EXOC4: variants seen among roughly 807,000 people sequenced by gnomAD.
EXOC4 encodes SEC8-like 1.
EXOC4 carries 71 observed loss-of-function variants against 107.2 expected under a neutral mutation model. The observed-to-expected ratio is 0.66, with a 90% CI of 0.55 to 0.81. The LOEUF (loss-of-function observed/expected upper bound fraction) is 0.81, where lower values mean the gene tolerates loss of function less well. Among genes scored for constraint, EXOC4 ranks in the 30% least tolerant of loss-of-function variants. The pLI is 0.00. For missense variants in EXOC4, 1,108 were observed against 1,189.6 expected, an observed-to-expected ratio of 0.93 and a Z score of 1.01; for synonymous variants, 456 against 441.2, an observed-to-expected ratio of 1.03 and a Z score of -0.42.
the EXOC4 span, among the ~76,000 whole-genome samples, chr7:134,099,522 C>CT: frequency 0.011 from 1,137 of 103,872 alleles, 137 homozygotes; most frequent in African/African-American, 0.014. Context: ...CATCACACTT[C>CT]TTTTTTTTTT....
intron 9 of EXOC4, among the ~76,000 whole-genome samples, chr7:133,556,121 C>T (rs1308999645): frequency 6.6e-6 from 1 of 152,188 alleles, no homozygotes; most frequent in East Asian, 1.9e-4. Flanking sequence ...TCTCCAGAGC[C>T]TTCAGACGTC....
intron 1 of EXOC4, among the ~76,000 whole-genome samples, chr7:133,256,107 G>T (rs1289966661): frequency 6.6e-6 from 1 of 151,382 alleles, no homozygotes; most frequent in Admixed American, 6.6e-5. Flanking sequence ...TCAACCTCCC[G>T]AGTAGCTGGG....
chr7:133,834,849 C>A (rs1797884899), intron 11 of EXOC4, among the ~76,000 whole-genome samples: 1 of 152,186 alleles, frequency 6.6e-6, no homozygotes, highest in African/African-American at 2.4e-5. Context: ...TCCCACAATT[C>A]CCACCTGTTG....
chr7:133,928,337 C>T (rs1432891455), intron 13 of EXOC4, among the ~76,000 whole-genome samples: 2 of 152,102 alleles, frequency 1.3e-5, no homozygotes, highest in East Asian at 1.9e-4. Context: ...CAAGGGCAAG[C>T]GGTGAGACGC....
intron 10 of EXOC4, among the ~76,000 whole-genome samples, chr7:133,746,184 T>C (rs992006617): frequency 1.3e-5 from 2 of 152,124 alleles, no homozygotes; most frequent in South Asian, 2.1e-4. Context: ...ATTTTAACTT[T>C]TTGATGTTTT....
At chr7:133,834,399 A>C (rs1199156183) in intron 11 of EXOC4, among the ~76,000 whole-genome samples, 2 of 152,162 alleles carry the variant, frequency 1.3e-5, no homozygotes, top group East Asian at 3.9e-4. Flanking sequence ...TGTTTAGCCA[A>C]CCGGGATTAG....
intron 9 of EXOC4, among the ~76,000 whole-genome samples, chr7:133,531,180 G>C (rs1381065573): frequency 6.6e-6 from 1 of 152,028 alleles, no homozygotes; most frequent in East Asian, 1.9e-4. Context: ...GTACCCATTA[G>C]TATTCATTTC....
At chr7:133,912,094 G>A (rs1177539153) in intron 12 of EXOC4, among the ~76,000 whole-genome samples, 2 of 152,162 alleles carry the variant, frequency 1.3e-5, no homozygotes, top group African/African-American at 4.8e-5. Context: ...TAGCTTACAG[G>A]ACATACAAAG....
intron 2 of EXOC4, among the ~76,000 whole-genome samples, chr7:133,285,185 A>C (rs962347538): frequency 2.0e-5 from 3 of 152,176 alleles, no homozygotes; most frequent in Non-Finnish European, 4.4e-5. Context: ...TAATATGTAC[A>C]TCTAAGCCAT....
intron 3 of EXOC4, among the ~76,000 whole-genome samples, chr7:133,296,768 G>T (rs1563007084): frequency 6.6e-6 from 1 of 151,666 alleles, no homozygotes; most frequent in Non-Finnish European, 1.5e-5. Context: ...CTGTTTTATT[G>T]CACTAAAGCC....
chr7:133,331,650 A>G (rs543110205), intron 5 of EXOC4, among the ~76,000 whole-genome samples: 77 of 152,028 alleles, frequency 5.1e-4, no homozygotes, highest in Non-Finnish European at 7.5e-4. Flanking sequence ...TATTTTTAGT[A>G]GAGACGGGGT....
intron 5 of EXOC4, among the ~76,000 whole-genome samples, chr7:133,327,028 C>T (rs62470950): frequency 0.08 from 12,102 of 152,188 alleles, 640 homozygotes; most frequent in Middle Eastern, 0.15. Flanking sequence ...TATAATCTCC[C>T]GGTGTGCCAT....
At chr7:134,008,317 G>C (rs1794690699) in intron 17 of EXOC4, among the ~76,000 whole-genome samples, 1 of 151,742 alleles carries the variant, frequency 6.6e-6, no homozygotes, top group Admixed American at 6.6e-5. Context: ...ATTTAATTTT[G>C]TTTTCCCCTA....
chr7:133,540,960 CA>C (rs1288805297), intron 9 of EXOC4, among the ~76,000 whole-genome samples: 4 of 151,862 alleles, frequency 2.6e-5, no homozygotes, highest in Admixed American at 1.3e-4. Context: ...ACGTTATTAA[CA>C]ATTTTGTTTT....
At chr7:133,956,018 G>A (rs1038038263) in intron 14 of EXOC4, among the ~76,000 whole-genome samples, 3 of 152,196 alleles carry the variant, frequency 2.0e-5, no homozygotes, top group Admixed American at 6.5e-5. Context: ...GGCAGCAGCT[G>A]CACCTGGGAG....
intron 10 of EXOC4, among the ~76,000 whole-genome samples, chr7:133,773,105 C>T (rs1478256227): frequency 6.6e-6 from 1 of 151,990 alleles, no homozygotes; most frequent in East Asian, 1.9e-4. Flanking sequence ...ATGCCTGGAG[C>T]TTGTAAGTGC....
chr7:133,914,472 G>A (rs2116621348), intron 12 of EXOC4, among the ~76,000 whole-genome samples: 1 of 152,212 alleles, frequency 6.6e-6, no homozygotes, highest in East Asian at 1.9e-4. Flanking sequence ...TTCATGAATG[G>A]AACCAAGAAA....
At chr7:133,591,007 G>A (rs1341367984) in intron 9 of EXOC4, among the ~76,000 whole-genome samples, 9 of 152,186 alleles carry the variant, frequency 5.9e-5, no homozygotes, top group Admixed American at 5.9e-4. Context: ...GTGCCCAAAG[G>A]CACTTGCCCC....
chr7:133,928,169 T>C (rs568676676), intron 13 of EXOC4, among the ~76,000 whole-genome samples: 135 of 152,304 alleles, frequency 8.9e-4, no homozygotes, highest in South Asian at 6.4e-3. Flanking sequence ...CCTCTTTCAT[T>C]TGAGGCTTAA....
Sources: allele counts gnomAD v4.1 joint callset (sites outside exome capture counted in the v4.1 genomes callset), GRCh38; gene constraint gnomAD v4.1.1; transcripts MANE v1.5; gene names NCBI Gene and HGNC (gene_info 2026-07-23, HGNC 2026-07-21).